Variants in ZFHX3 observed in about 807,000 individuals in gnomAD.
ZFHX3 encodes the protein zinc finger homeobox 3, also known as zinc finger homeobox protein 3.
A neutral mutation model predicts 279.1 loss-of-function variants in ZFHX3; 42 were observed. That is an observed-to-expected ratio of 0.15 (90% CI 0.12 to 0.19). The LOEUF is 0.19. Among genes scored for constraint, ZFHX3 ranks in the 10% least tolerant of loss-of-function variants. The pLI is 1.00. For synonymous variants in ZFHX3, 2,293 were observed against 1,957.8 expected (o/e 1.17, Z -4.52); for missense variants, 4,981 against 4,754.0 (o/e 1.05, Z -1.40).
chr16:73,417,118 T>C (rs1179157785), intron 3 of ZFHX3, among the ~76,000 whole-genome samples: 1 of 152,048 alleles, frequency 6.6e-6, no homozygotes, highest in Non-Finnish European at 1.5e-5. Flanking sequence ...AACATACGCA[T>C]GTCTTCGATC....
chr16:73,558,078 A>G (rs562382195), intron 2 of ZFHX3, among the ~76,000 whole-genome samples: 3 of 152,352 alleles, frequency 2.0e-5, no homozygotes, highest in Admixed American at 1.3e-4. Flanking sequence ...AAGAGAGAAC[A>G]GCAGTTTATG....
chr16:73,375,830 T>C (rs577443291), intron 3 of ZFHX3, among the ~76,000 whole-genome samples: 42 of 152,344 alleles, frequency 2.8e-4, no homozygotes, highest in Non-Finnish European at 2.8e-4. Context: ...TTTTTATAGG[T>C]CTTTTTGTCC....
chr16:73,120,287 G>T (rs1310896694), intron 7 of ZFHX3, among the ~76,000 whole-genome samples: 1 of 151,948 alleles, frequency 6.6e-6, no homozygotes, highest in Non-Finnish European at 1.5e-5. Context: ...TAGAGACAGG[G>T]TCTTGCTCTG....
At chr16:73,076,252 G>A (rs1432499135) in intron 8 of ZFHX3, among the ~76,000 whole-genome samples, 1 of 152,150 alleles carries the variant, frequency 6.6e-6, no homozygotes, top group East Asian at 1.9e-4. Context: ...AAGATCAAGT[G>A]ATTGTAAAAG....
chr16:73,437,042 T>G (rs1173827564), intron 3 of ZFHX3, among the ~76,000 whole-genome samples: 2 of 152,228 alleles, frequency 1.3e-5, no homozygotes, highest in East Asian at 1.9e-4. Flanking sequence ...CTCAGCAGTC[T>G]GCCTGACACC....
At chr16:73,302,945 C>T (rs2015091127) in intron 4 of ZFHX3, among the ~76,000 whole-genome samples, 1 of 152,084 alleles carries the variant, frequency 6.6e-6, no homozygotes, top group Admixed American at 6.5e-5. Context: ...TTTTTAAAAT[C>T]ATGGATGGGA....
rs537436809 is a variant in ZFHX3 at position 72,906,238 on chromosome 16, T to C, written c.3217-16276A>G. Among the ~76,000 whole-genome samples, 20 of 151,992 alleles carry C rather than the reference T, an allele frequency of 1.3e-4. No homozygotes were observed. In the South Asian group the frequency reaches 3.7e-3, roughly 28 times the overall value. ...AAACGTTTTAAAACTTATTTTTAAGTGGCAAAATACAGGGAGAATTTTCAC... is the reference window on the plus strand; with the variant it reads ...AAACGTTTTAAAACTTATTTTTAAGCGGCAAAATACAGGGAGAATTTTCAC... On this transcript the variant is annotated intron_variant, in intron 3 of 9. Coordinates refer to ENST00000268489, the MANE Select transcript of ZFHX3 (RefSeq NM_006885.4).
intron 2 of ZFHX3, among the ~76,000 whole-genome samples, chr16:73,527,099 T>C (rs4888447): frequency 0.11 from 16,871 of 152,172 alleles, 995 homozygotes; most frequent in East Asian, 0.18. Flanking sequence ...ACTGATCCCA[T>C]TGGAAAAGCA....
chr16:72,823,462 G>A (rs752843676), intron 5 of ZFHX3, among the ~76,000 whole-genome samples: 3 of 152,192 alleles, frequency 2.0e-5, no homozygotes, highest in Admixed American at 1.3e-4. Flanking sequence ...CTCTGTTGAT[G>A]TCCTCATCAC....
At chr16:73,265,500 A>T (rs1426915134) in intron 4 of ZFHX3, among the ~76,000 whole-genome samples, 1 of 152,102 alleles carries the variant, frequency 6.6e-6, no homozygotes, top group Non-Finnish European at 1.5e-5. Context: ...TGTGAATGCT[A>T]ATTTTCTACC....
intron 1 of ZFHX3, among the ~76,000 whole-genome samples, chr16:73,783,347 C>G (rs1003141923): frequency 1.3e-5 from 2 of 152,208 alleles, no homozygotes; most frequent in African/African-American, 4.8e-5. Context: ...TGTGTCCAAT[C>G]CCATTTCCTT....
chr16:73,867,357 C>T (rs983093116), intron 1 of ZFHX3, among the ~76,000 whole-genome samples: 1 of 152,180 alleles, frequency 6.6e-6, no homozygotes, highest in Non-Finnish European at 1.5e-5. Context: ...CTGGGTTCTG[C>T]TTCACTCACC....
intron 7 of ZFHX3, among the ~76,000 whole-genome samples, chr16:73,102,671 CA>C (rs59105644): frequency 0.052 from 7,862 of 152,168 alleles, 630 homozygotes; most frequent in African/African-American, 0.16. Context: ...AAAAAACACA[CA>C]AAAAACCACC....
chr16:73,261,839 C>T (rs572913421), intron 4 of ZFHX3, among the ~76,000 whole-genome samples: 235 of 151,914 alleles, frequency 1.5e-3, no homozygotes, highest in Non-Finnish European at 2.8e-3. Context: ...CCACGCTCGG[C>T]GAATTTTTTA....
At chr16:73,452,915 A>G (rs1476717764) in intron 3 of ZFHX3, among the ~76,000 whole-genome samples, 1 of 152,216 alleles carries the variant, frequency 6.6e-6, no homozygotes, top group Non-Finnish European at 1.5e-5. Flanking sequence ...CTTGACCTAA[A>G]TCTCTCTTTC....
chr16:73,729,482 T>C (rs139282863), intron 1 of ZFHX3, among the ~76,000 whole-genome samples: 3,130 of 151,890 alleles, frequency 0.021, 39 homozygotes, highest in Middle Eastern at 0.058. Flanking sequence ...TGAGCCGAGA[T>C]TGCACCACTA....
intron 2 of ZFHX3, among the ~76,000 whole-genome samples, chr16:73,549,717 C>T (rs1479297355): frequency 6.6e-6 from 1 of 152,192 alleles, no homozygotes; most frequent in Non-Finnish European, 1.5e-5. Context: ...TGCCCCGGGT[C>T]TCCTTAACAC....
At chr16:72,936,253 T>C (rs1960119212) in intron 3 of ZFHX3, among the ~76,000 whole-genome samples, 1 of 152,350 alleles carries the variant, frequency 6.6e-6, no homozygotes, top group South Asian at 2.1e-4. Context: ...CTGTTGTACC[T>C]GTTCTAGCAC....
chr16:73,644,219 T>C (rs1254069675), intron 2 of ZFHX3, among the ~76,000 whole-genome samples: 1 of 152,168 alleles, frequency 6.6e-6, no homozygotes, highest in African/African-American at 2.4e-5. Context: ...CACATGTTGA[T>C]GACTTCCGAG....
Sources: gnomAD v4.1 joint callset for allele counts (sites outside exome capture counted in the v4.1 genomes callset) on GRCh38, gnomAD v4.1.1 for gene constraint, MANE v1.5 for transcripts, NCBI Gene and HGNC (gene_info 2026-07-23, HGNC 2026-07-21) for gene names.